TMEM132D: variants seen among roughly 807,000 people sequenced by gnomAD.
The protein encoded by TMEM132D is transmembrane protein 132D.
A neutral mutation model predicts 62.3 loss-of-function variants in TMEM132D; 21 were observed. The observed-to-expected ratio is 0.34, with a 90% confidence interval of 0.24 to 0.49. The LOEUF (loss-of-function observed/expected upper bound fraction) is 0.49. Ranked by LOEUF, TMEM132D falls within the 20% of genes least tolerant of loss-of-function variation. The probability of loss-of-function intolerance (pLI) is 0.99; values close to 1 mark genes in which losing one functional copy is unlikely to be tolerated. For missense variants in TMEM132D, 1,346 were observed against 1,402.8 expected (o/e 0.96, Z 0.65); for synonymous variants, 621 against 575.6 (o/e 1.08, Z -1.13).
chr12:129,858,493 A>C (rs1276269048), intron 1 of TMEM132D, among the ~76,000 whole-genome samples: 1 of 24,654 alleles, frequency 4.1e-5, no homozygotes, highest in Non-Finnish European at 7.4e-5. Context: ...GGGGAACGGG[A>C]TGGGTGCCCT....
intron 4 of TMEM132D, among the ~76,000 whole-genome samples, chr12:129,233,221 G>C (rs573444057): frequency 6.6e-6 from 1 of 152,274 alleles, no homozygotes; most frequent in African/African-American, 2.4e-5. Flanking sequence ...GAGGGAGGGG[G>C]CCCTGTGTGT....
At chr12:129,796,927 T>C (rs1871580330) in intron 1 of TMEM132D, among the ~76,000 whole-genome samples, 2 of 152,228 alleles carry the variant, frequency 1.3e-5, no homozygotes, top group Non-Finnish European at 2.9e-5. Context: ...GCCTTCATCT[T>C]ATTCCACTAC....
intron 4 of TMEM132D, among the ~76,000 whole-genome samples, chr12:129,259,475 A>T (rs1357517440): frequency 2.0e-5 from 3 of 152,246 alleles, no homozygotes; most frequent in Admixed American, 1.3e-4. Flanking sequence ...AGTGAAGTGC[A>T]GAAGATGAAG....
chr12:129,881,090 T>C (rs558575391), intron 1 of TMEM132D, among the ~76,000 whole-genome samples: 1 of 152,046 alleles, frequency 6.6e-6, no homozygotes, highest in African/African-American at 2.4e-5. Flanking sequence ...AACTTCCAAA[T>C]AACCAATAAC....
intron 2 of TMEM132D, among the ~76,000 whole-genome samples, chr12:129,688,913 C>T (rs1392334612): frequency 1.3e-5 from 2 of 152,146 alleles, no homozygotes; most frequent in Non-Finnish European, 2.9e-5. Flanking sequence ...CTCCCACAAC[C>T]ATAATCTAGT....
intron 4 of TMEM132D, among the ~76,000 whole-genome samples, chr12:129,228,347 G>A (rs2135577122): frequency 6.6e-6 from 1 of 152,106 alleles, no homozygotes; most frequent in Non-Finnish European, 1.5e-5. Flanking sequence ...TTTGTTTTGG[G>A]CAGCTTTATT....
chr12:129,754,858 G>A (rs1870114493), intron 1 of TMEM132D, among the ~76,000 whole-genome samples: 1 of 152,114 alleles, frequency 6.6e-6, no homozygotes, highest in South Asian at 2.1e-4. Context: ...CACTTACATA[G>A]GGACTGGAGG....
intron 3 of TMEM132D, among the ~76,000 whole-genome samples, chr12:129,374,426 C>A (rs953306365): frequency 1.3e-5 from 2 of 152,120 alleles, no homozygotes; most frequent in Non-Finnish European, 2.9e-5. Flanking sequence ...AGGGCTTCAA[C>A]AGATGAATTT....
intron 5 of TMEM132D, among the ~76,000 whole-genome samples, chr12:129,104,520 A>G (rs1875422788): frequency 2.0e-5 from 3 of 152,248 alleles, no homozygotes; most frequent in Non-Finnish European, 2.9e-5. Flanking sequence ...AGCAATGGCA[A>G]CCAAAGCCAA....
At chr12:129,495,747 G>A (rs1016342406) in intron 3 of TMEM132D, among the ~76,000 whole-genome samples, 2 of 152,134 alleles carry the variant, frequency 1.3e-5, no homozygotes, top group African/African-American at 4.8e-5. Context: ...GTGGGGACAG[G>A]GGTAGTGATG....
intron 1 of TMEM132D, among the ~76,000 whole-genome samples, chr12:129,851,775 C>G (rs1873551882): frequency 6.6e-6 from 1 of 152,142 alleles, no homozygotes; most frequent in Non-Finnish European, 1.5e-5. Context: ...CATAAAGGGC[C>G]AGAGAGTCAA....
At chr12:129,268,636 A>G (rs1485626024) in intron 4 of TMEM132D, among the ~76,000 whole-genome samples, 1 of 152,194 alleles carries the variant, frequency 6.6e-6, no homozygotes, top group Non-Finnish European at 1.5e-5. Flanking sequence ...GCGATTCCTC[A>G]AGGATCTAGA....
intron 2 of TMEM132D, among the ~76,000 whole-genome samples, chr12:129,536,356 C>T (rs1185198991): frequency 6.6e-6 from 1 of 152,138 alleles, no homozygotes; most frequent in Non-Finnish European, 1.5e-5. Context: ...TTGAATTGCT[C>T]TTTGTCTCCA....
intron 2 of TMEM132D, among the ~76,000 whole-genome samples, chr12:129,563,899 G>A (rs1442481128): frequency 6.6e-6 from 1 of 152,270 alleles, no homozygotes; most frequent in Non-Finnish European, 1.5e-5. Flanking sequence ...ACTGCATTGT[G>A]CCAGATAAAT....
In TMEM132D at chr12:129,371,371, G is replaced by A. The variant is rs113313843; in HGVS notation, c.1116-33554C>T. Reference sequence around the variant, plus strand: ...ATGATGGTGACAATAATGATGTGATGATGGTGATGATGAATGATGATGGTG... The same window carrying A: ...ATGATGGTGACAATAATGATGTGATAATGGTGATGATGAATGATGATGGTG... On this transcript the variant is annotated intron_variant, in intron 3 of 8. Transcript: ENST00000422113. The surrounding 1 kb of genome is among the most constrained non-coding windows in gnomAD (Gnocchi z 4.3). Among the ~76,000 whole-genome samples the A allele has an allele frequency of 2.6e-5, 4 of 151,786 alleles. No individual in the cohort carries two copies. The highest frequency in any genetic ancestry group is 7.3e-5 in the African/African-American group (3 of 41,372).
intron 5 of TMEM132D, among the ~76,000 whole-genome samples, chr12:129,184,327 G>C (rs1212099902): frequency 6.6e-6 from 1 of 152,204 alleles, no homozygotes; most frequent in Non-Finnish European, 1.5e-5. Flanking sequence ...CCTTCCAAGA[G>C]GGCCTGCCTG....
intron 3 of TMEM132D, among the ~76,000 whole-genome samples, chr12:129,379,423 C>G (rs1870875861): frequency 6.6e-6 from 1 of 152,188 alleles, no homozygotes; most frequent in South Asian, 2.1e-4. Flanking sequence ...CTGATAATAA[C>G]TGGGAAACAC....
intron 1 of TMEM132D, among the ~76,000 whole-genome samples, chr12:129,773,576 C>T (rs950843250): frequency 2.9e-4 from 44 of 152,162 alleles, no homozygotes; most frequent in African/African-American, 1.1e-3. Context: ...TCACTTCTCC[C>T]GAGAACAGAG....
rs114609250 is a variant in TMEM132D, at chr12:129,237,201, T to C, written c.1300-27538A>G. Among the ~76,000 whole-genome samples, 543 of 152,282 alleles carry C rather than the reference T, an allele frequency of 3.6e-3. 3 individuals are homozygous for C. The highest frequency in any genetic ancestry group is 0.012 in the African/African-American group (494 of 41,574). ...CTGTGGTTTTCTTTGCTTGTAGTAG[T>C]TACCTCTTCTTCAATTTTTTGAAAC... is the stretch of plus-strand genomic sequence containing the variant. On this transcript the variant is annotated intron_variant, in intron 4 of 8. Coordinates refer to ENST00000422113, the MANE Select transcript of TMEM132D (RefSeq NM_133448.3).
Sources: allele counts gnomAD v4.1 joint callset (sites outside exome capture counted in the v4.1 genomes callset), GRCh38; gene constraint gnomAD v4.1.1; non-coding constraint Gnocchi (gnomAD v3.1); transcripts MANE v1.5; gene names NCBI Gene and HGNC (gene_info 2026-07-23, HGNC 2026-07-21).